The following KANTR variants were observed in gnomAD, a reference collection of about 807,000 sequenced individuals.
KANTR encodes KANTR integral membrane protein.
At chrX:53,137,880 G>A (rs1460482842) in intron 2 of KANTR, among the ~76,000 whole-genome samples, 7 of 109,260 alleles carry the variant, frequency 6.4e-5, no homozygotes, top group Non-Finnish European at 1.1e-4. Flanking sequence ...TTTCGCCACC[G>A]TGCCTGGCCT....
At chrX:53,146,375 C>G (rs1933575745), downstream of KANTR, among the ~76,000 whole-genome samples, 1 of 111,735 alleles carries the variant, frequency 8.9e-6, no homozygotes, top group Non-Finnish European at 1.9e-5. Flanking sequence ...ATTCGATCAA[C>G]TGGAAGAAAG....
intron 2 of KANTR, among the ~76,000 whole-genome samples, chrX:53,137,514 C>T (rs1321890129): frequency 9.0e-6 from 1 of 111,716 alleles, no homozygotes; most frequent in Non-Finnish European, 1.9e-5. Flanking sequence ...CCTGTAATCC[C>T]GGCACTTTGG....
At chrX:53,145,992 C>T (rs1556819280), downstream of KANTR, among the ~76,000 whole-genome samples, 1 of 111,597 alleles carries the variant, frequency 9.0e-6, no homozygotes, top group Non-Finnish European at 1.9e-5. Flanking sequence ...ACCAAAACCC[C>T]ATCTGTATGT....
intron 1 of KANTR, among the ~76,000 whole-genome samples, chrX:53,097,360 T>G (rs1436335246): frequency 1.1e-5 from 1 of 89,908 alleles, no homozygotes; most frequent in African/African-American, 3.8e-5. Flanking sequence ...GTTTTTTTTT[T>G]TTTTTTTTTT....
chrX:53,105,629 A>G (rs782181334), intron 2 of KANTR, among the ~76,000 whole-genome samples: 2 of 103,624 alleles, frequency 1.9e-5, no homozygotes, highest in East Asian at 6.1e-4. Flanking sequence ...AGCTGGGACT[A>G]CAGGCACACA....
chrX:53,113,828 G>C (rs782237807), intron 2 of KANTR, among the ~76,000 whole-genome samples: 10 of 109,589 alleles, frequency 9.1e-5, no homozygotes, highest in Non-Finnish European at 1.7e-4. Context: ...TGATCTGCCT[G>C]CCTCAGCCTC....
At chrX:53,131,391 A>G (rs782125662), downstream of KANTR, among the ~76,000 whole-genome samples, 10 of 112,012 alleles carry the variant, frequency 8.9e-5, no homozygotes, top group Non-Finnish European at 1.9e-4. Flanking sequence ...ATCAAATCCA[A>G]TAATGTATTA....
chrX:53,136,615 A>C (rs1357554457), intron 2 of KANTR, among the ~76,000 whole-genome samples: 1 of 73,112 alleles, frequency 1.4e-5, no homozygotes, highest in Non-Finnish European at 2.6e-5. Flanking sequence ...ATCATGGCTC[A>C]CTGCAGCCTC....
At chrX:53,131,448 G>T (rs1316341669), downstream of KANTR, among the ~76,000 whole-genome samples, 1 of 111,998 alleles carries the variant, frequency 8.9e-6, no homozygotes, top group African/African-American at 3.2e-5. Flanking sequence ...CAGGAATGCA[G>T]GATTGGCTTG....
At position 53,124,256 on chromosome X, in the gene KANTR, G is replaced by A; in HGVS notation, c.-17G>A. The stretch of plus-strand genomic sequence containing the variant: ...TAAAGTTTCCTTTTTATTCTGTGCT[G>A]TGTATGAACTGTAACAATGTCTCCT... On this transcript the variant is annotated 5_prime_UTR_variant, in exon 3 of 3. In the 5' UTR this introduces an upstream ATG that the reference lacks. Coordinates refer to ENST00000604062, the Ensembl canonical transcript of KANTR. The A allele has an allele frequency of 3.4e-6, 1 of 296,334 alleles. No homozygotes were observed. The highest frequency in any genetic ancestry group is 5.9e-6 in the Non-Finnish European group (1 of 169,694). 24.4% of individuals were successfully genotyped at this position (296,334 alleles called of 1,213,427 possible). A position where few individuals can be genotyped will look rare whatever the true frequency, so the allele number is the denominator to read the frequency against.
chrX:53,122,210 C>G (rs1556815600), intron 2 of KANTR, among the ~76,000 whole-genome samples: 1 of 111,861 alleles, frequency 8.9e-6, no homozygotes. Context: ...GTCCCTTTCA[C>G]ATGCTCCCAT....
At chrX:53,117,434 C>T (rs921670749) in intron 2 of KANTR, among the ~76,000 whole-genome samples, 1 of 110,472 alleles carries the variant, frequency 9.1e-6, no homozygotes, top group Non-Finnish European at 1.9e-5. Flanking sequence ...CCCTCCCCAC[C>T]ACTCCACTCC....
At chrX:53,109,943 T>TG (rs1433984737) in intron 2 of KANTR, among the ~76,000 whole-genome samples, 1 of 110,029 alleles carries the variant, frequency 9.1e-6, no homozygotes, top group Non-Finnish European at 1.9e-5. Flanking sequence ...TTAGTAGAGA[T>TG]GGGGTTTCAC....
chrX:53,138,602 G>A (rs1426737137), intron 2 of KANTR, among the ~76,000 whole-genome samples: 2 of 109,655 alleles, frequency 1.8e-5, no homozygotes, highest in Non-Finnish European at 3.8e-5. Context: ...CTCCTCGGGA[G>A]GCTGAGGCAG....
chrX:53,121,114 T>C (rs1042233014), intron 2 of KANTR, among the ~76,000 whole-genome samples: 4 of 110,555 alleles, frequency 3.6e-5, no homozygotes, highest in Admixed American at 2.9e-4. Context: ...TTCTCCTGCC[T>C]CAGCCTCCTG....
intron 2 of KANTR, among the ~76,000 whole-genome samples, chrX:53,111,247 C>G (rs1276966750): frequency 2.7e-5 from 3 of 109,332 alleles, no homozygotes; most frequent in Admixed American, 9.9e-5. Context: ...AAACTCCTGC[C>G]TTGAACTCAA....
At chrX:53,120,379 TG>T (rs1933199619) in intron 2 of KANTR, among the ~76,000 whole-genome samples, 1 of 111,596 alleles carries the variant, frequency 9.0e-6, no homozygotes, top group African/African-American at 3.3e-5. Context: ...CAGCTTGTCA[TG>T]TTCTGTAAAA....
intron 2 of KANTR, among the ~76,000 whole-genome samples, chrX:53,134,742 T>A (rs1933401874): frequency 9.0e-6 from 1 of 111,552 alleles, no homozygotes; most frequent in South Asian, 3.7e-4. Flanking sequence ...GAAGGTAAAG[T>A]GGAGTCAATA....
chrX:53,096,381 C>G (rs1569232213), intron 1 of KANTR, among the ~76,000 whole-genome samples: 2 of 112,499 alleles, frequency 1.8e-5, no homozygotes, highest in African/African-American at 3.2e-5. Context: ...TTTTCACCTA[C>G]ATTACTGGTG....
Sources: allele counts gnomAD v4.1 joint callset (sites outside exome capture counted in the v4.1 genomes callset), GRCh38; gene constraint gnomAD v4.1.1; transcripts MANE v1.5; gene names NCBI Gene and HGNC (gene_info 2026-07-23, HGNC 2026-07-21).